Variants in ATXN2 observed in about 807,000 individuals in gnomAD.
ATXN2 encodes the protein ataxin 2.
Under a neutral mutation model 138.6 loss-of-function variants are expected in ATXN2, and 37 were observed. That is an observed-to-expected ratio of 0.27 (90% CI 0.21 to 0.35). The LOEUF (loss-of-function observed/expected upper bound fraction) is 0.35, where lower values mean the gene tolerates loss of function less well. Ranked by LOEUF, ATXN2 falls within the 10% of genes least tolerant of loss-of-function variation. The pLI, the probability that ATXN2 is intolerant of heterozygous loss-of-function variation, is 1.00. For missense variants in ATXN2, 1,216 were observed against 1,480.3 expected, an observed-to-expected ratio of 0.82 and a Z score of 2.93; for synonymous variants, 549 against 543.7, an observed-to-expected ratio of 1.01 and a Z score of -0.13.
intron 5 of ATXN2, among the ~76,000 whole-genome samples, chr12:111,537,817 T>C (rs1448871772): frequency 6.6e-6 from 1 of 151,812 alleles, no homozygotes; most frequent in Non-Finnish European, 1.5e-5. Flanking sequence ...AAAAATGGGC[T>C]GGGAGCAGAG....
intron 14 of ATXN2, among the ~76,000 whole-genome samples, chr12:111,497,793 G>A (rs1395991532): frequency 6.6e-6 from 1 of 151,996 alleles, no homozygotes; most frequent in Non-Finnish European, 1.5e-5. Context: ...GAGACGGGCA[G>A]ATCATGAGGT....
Position 111,513,441 on chromosome 12 carries a change from G to A in ATXN2, c.1474C>T (p.His492Tyr), listed in dbSNP as rs1313067954. The A allele has an allele frequency of 5.0e-6, 8 of 1,613,880 alleles. No individual in the cohort carries two copies. The highest frequency in any genetic ancestry group is 5.9e-6 in the Non-Finnish European group (7 of 1,180,016). ...SISSGLEFVS[H>Y]NPPSEAATPP... ...GTAGCTGCTTCACTGGGTGGGTTGT[G>A]GGATACAAATTCTAGGCCACTGGAT... Residue 492 changes from histidine to tyrosine, a missense_variant, in exon 11 of 25, where the codon CAC becomes TAC. Physicochemically the swap from His to Tyr is moderately conservative, Grantham distance 83. This residue lies in a region of ATXN2 where 215 missense variants were observed against 210.0 expected (regional missense o/e 1.02). Transcript: ENST00000673436.
At chr12:111,500,025 G>C (rs1397510609) in intron 14 of ATXN2, among the ~76,000 whole-genome samples, 5 of 152,110 alleles carry the variant, frequency 3.3e-5, no homozygotes, top group African/African-American at 1.2e-4. Flanking sequence ...CATGTAAATT[G>C]GTAAAACCAC....
intron 18 of ATXN2, chr12:111,471,790 T>C (rs1185877674): frequency 6.6e-6 from 1 of 151,936 alleles, no homozygotes; most frequent in African/African-American, 2.4e-5. Flanking sequence ...AAACTACTTA[T>C]CACTTTTATC....
intron 5 of ATXN2, among the ~76,000 whole-genome samples, chr12:111,550,868 T>C (rs1882080679): frequency 6.6e-6 from 1 of 152,284 alleles, no homozygotes; most frequent in African/African-American, 2.4e-5. Flanking sequence ...CAAGTAACAG[T>C]GTAGAAGAAT....
intron 15 of ATXN2, among the ~76,000 whole-genome samples, chr12:111,488,232 T>G (rs1233972674): frequency 2.6e-5 from 4 of 152,128 alleles, no homozygotes; most frequent in Non-Finnish European, 5.9e-5. Context: ...TTTTCTTAAT[T>G]TATGCCTTGT....
At chr12:111,530,181 A>G (rs1006495458) in intron 5 of ATXN2, among the ~76,000 whole-genome samples, 9 of 152,196 alleles carry the variant, frequency 5.9e-5, no homozygotes, top group Non-Finnish European at 1.0e-4. Context: ...GGGACTATTT[A>G]GTCATTTTTA....
chr12:111,508,181 C>A (rs993357283), intron 14 of ATXN2, among the ~76,000 whole-genome samples: 1 of 150,984 alleles, frequency 6.6e-6, no homozygotes, highest in African/African-American at 2.4e-5. Context: ...GACTTTATAG[C>A]AAATTTAAGA....
intron 1 of ATXN2, among the ~76,000 whole-genome samples, chr12:111,584,491 T>C (rs1157964290): frequency 1.3e-5 from 2 of 151,378 alleles, no homozygotes; most frequent in African/African-American, 4.8e-5. Flanking sequence ...AAATTACATT[T>C]TGAATTACAA....
intron 8 of ATXN2, 108 bp downstream of exon 8, chr12:111,519,771 T>G (rs926515783): frequency 3.2e-6 from 5 of 1,540,492 alleles, no homozygotes; most frequent in Non-Finnish European, 4.4e-6. Flanking sequence ...ACTTGCATTC[T>G]CTACCTAAGC....
chr12:111,490,371 C>T (rs1446235649), intron 14 of ATXN2, among the ~76,000 whole-genome samples: 1 of 151,960 alleles, frequency 6.6e-6, no homozygotes, highest in Non-Finnish European at 1.5e-5. Flanking sequence ...GTGAAATGAA[C>T]TGGAGGGAGG....
intron 5 of ATXN2, among the ~76,000 whole-genome samples, chr12:111,547,805 C>T (rs1228500207): frequency 7.3e-6 from 1 of 136,376 alleles, no homozygotes; most frequent in African/African-American, 2.7e-5. Flanking sequence ...ACTTGAACAA[C>T]ATAATAGTCT....
intron 5 of ATXN2, among the ~76,000 whole-genome samples, chr12:111,541,347 T>C (rs1881493894): frequency 1.7e-3 from 1 of 588 alleles, no homozygotes; most frequent in Admixed American, 0.024. Flanking sequence ...GTTATAATTC[T>C]TTTTTTTTTT....
At chr12:111,498,585 A>G (rs142601059) in intron 14 of ATXN2, among the ~76,000 whole-genome samples, 2 of 152,318 alleles carry the variant, frequency 1.3e-5, no homozygotes, top group Non-Finnish European at 2.9e-5. Flanking sequence ...ACATGAAAAG[A>G]GATTCCATGT....
At chr12:111,536,074 T>C (rs368389422) in intron 5 of ATXN2, among the ~76,000 whole-genome samples, 171 of 151,484 alleles carry the variant, frequency 1.1e-3, no homozygotes, top group African/African-American at 4.0e-3. Flanking sequence ...GGAAGGGCCC[T>C]GTATAGCATC....
chr12:111,597,626 C>G (rs752777073), intron 1 of ATXN2: 8 of 422,938 alleles, frequency 1.9e-5, no homozygotes, highest in East Asian at 7.1e-5. Flanking sequence ...CCCGCCACCC[C>G]CAACAGGCCC....
In ATXN2 at chr12:111,520,060, C is replaced by G; in HGVS notation, c.805G>C (p.Asp269His). ...CGTTTTAAAAATTCTTCTGAGTTAT[C>G]TCTTTCTAAGGGCACTCTGAAACAT... ...LSSYTVPLER[D>H]NSEEFLKREA... The change falls in exon 8 of 25, where the codon GAT (aspartate) becomes CAT (histidine). Residue 269 changes from aspartate (D) to histidine (H), a missense_variant. Around this residue, in one of 4 missense-constraint regions of ATXN2, gnomAD observed 401 missense variants for 528.1 expected, o/e 0.76. Coordinates refer to ENST00000673436, the MANE Select transcript of ATXN2 (RefSeq NM_001372574.1). 6.2e-7 allele frequency: 1 copy of G among 1,613,852 alleles called. No homozygotes were observed. Among genetic ancestry groups the G allele is most frequent in the South Asian group, 1.1e-5 (1 of 91,072 alleles).
chr12:111,490,697 G>A (rs1877965297), intron 14 of ATXN2, among the ~76,000 whole-genome samples: 1 of 152,044 alleles, frequency 6.6e-6, no homozygotes, highest in Admixed American at 6.6e-5. Flanking sequence ...ATCCTATCAA[G>A]GAAAAAGACA....
intron 12 of ATXN2, 63 bp downstream of exon 12, chr12:111,510,322 A>T: frequency 6.7e-7 from 1 of 1,499,642 alleles, no homozygotes; most frequent in Admixed American, 2.0e-5. Context: ...TTCATATAAT[A>T]TCACCCTCTA....
Sources: allele counts gnomAD v4.1 joint callset (sites outside exome capture counted in the v4.1 genomes callset), GRCh38; gene constraint gnomAD v4.1.1; regional missense constraint gnomAD v4.1.1; transcripts MANE v1.5; gene names NCBI Gene and HGNC (gene_info 2026-07-23, HGNC 2026-07-21).